ADCY8: variants seen among roughly 807,000 people sequenced by gnomAD.
The protein encoded by ADCY8 is adenylate cyclase 8.
ADCY8 carries 51 observed loss-of-function variants against 119.7 expected under a neutral mutation model. The ratio of observed to expected loss-of-function variants is 0.43; its 90% CI spans 0.34 to 0.54. The LOEUF (loss-of-function observed/expected upper bound fraction) is 0.54. Among genes scored for constraint, ADCY8 ranks in the 20% least tolerant of loss-of-function variants. ADCY8 has a pLI of 0.03. For missense variants in ADCY8, 1,383 were observed against 1,598.8 expected, an observed-to-expected ratio of 0.87 and a Z score of 2.30; for synonymous variants, 665 against 651.0, an observed-to-expected ratio of 1.02 and a Z score of -0.33.
At chr8:130,790,200 C>T (rs545239470) in intron 15 of ADCY8, among the ~76,000 whole-genome samples, 27 of 152,206 alleles carry the variant, frequency 1.8e-4, no homozygotes, top group African/African-American at 5.3e-4. Flanking sequence ...TTAAACTATA[C>T]GGTTCTGTGG....
chr8:130,947,189 T>A (rs1371160569), intron 3 of ADCY8, among the ~76,000 whole-genome samples: 2 of 152,172 alleles, frequency 1.3e-5, no homozygotes, highest in East Asian at 1.9e-4. Context: ...TCAAATAGAA[T>A]CCCCAAGGAA....
intron 2 of ADCY8, among the ~76,000 whole-genome samples, chr8:130,978,787 T>C (rs1227240862): frequency 6.6e-6 from 1 of 152,208 alleles, no homozygotes; most frequent in Non-Finnish European, 1.5e-5. Context: ...ATGTATTCTA[T>C]AATGCAGTAA....
intron 2 of ADCY8, among the ~76,000 whole-genome samples, chr8:130,965,364 A>G (rs1266167986): frequency 1.3e-5 from 2 of 152,168 alleles, no homozygotes; most frequent in Non-Finnish European, 1.5e-5. Flanking sequence ...CGTGTGAAAA[A>G]CTACCTGTTG....
intron 13 of ADCY8, among the ~76,000 whole-genome samples, chr8:130,818,497 T>C (rs1816411809): frequency 1.3e-5 from 2 of 152,220 alleles, no homozygotes; most frequent in African/African-American, 4.8e-5. Flanking sequence ...GTTTGGCATG[T>C]CATTTCCACA....
chr8:131,035,182 A>G (rs930183253), intron 1 of ADCY8, among the ~76,000 whole-genome samples: 1 of 152,136 alleles, frequency 6.6e-6, no homozygotes, highest in Non-Finnish European at 1.5e-5. Flanking sequence ...TATTCCTATC[A>G]TTGGTTTGAG....
At position 130,805,714 on chromosome 8, in the gene ADCY8, C is replaced by A. The variant is rs147102353; in HGVS notation, c.2914-5142G>T. Reference sequence around the variant, plus strand: ...TTGGATCTGAGGCATAAATGGGAACCTTTAGCTCCTTCCTGTGAGACAGAG... The same window carrying A: ...TTGGATCTGAGGCATAAATGGGAACATTTAGCTCCTTCCTGTGAGACAGAG... On this transcript the variant is annotated intron_variant, in intron 14 of 17. Coordinates refer to ENST00000286355, the MANE Select transcript of ADCY8 (RefSeq NM_001115.3). Among the ~76,000 whole-genome samples, 200 of 152,312 alleles carry A rather than the reference C, an allele frequency of 1.3e-3. 2 individuals are homozygous for A. The highest frequency in any genetic ancestry group is 4.5e-3 in the African/African-American group (188 of 41,566).
At chr8:130,926,614 T>G (rs1342808644) in intron 5 of ADCY8, among the ~76,000 whole-genome samples, 1 of 152,158 alleles carries the variant, frequency 6.6e-6, no homozygotes, top group Non-Finnish European at 1.5e-5. Flanking sequence ...ACATCCAGTC[T>G]CTTACCATTT....
chr8:130,814,515 G>A (rs912303731), intron 13 of ADCY8, among the ~76,000 whole-genome samples: 1 of 152,188 alleles, frequency 6.6e-6, no homozygotes, highest in Admixed American at 6.5e-5. Flanking sequence ...GACTGTCAGT[G>A]TTGTATGGTG....
intron 17 of ADCY8, 84 bp from the exon 18 acceptor site, chr8:130,780,961 A>T: frequency 6.5e-7 from 1 of 1,540,344 alleles, no homozygotes; most frequent in Non-Finnish European, 8.8e-7. Flanking sequence ...GACAGTGATC[A>T]CTATGTGTGG....
chr8:130,842,367 T>C (rs1037108358), intron 11 of ADCY8, among the ~76,000 whole-genome samples: 9 of 152,190 alleles, frequency 5.9e-5, no homozygotes, highest in African/African-American at 2.2e-4. Flanking sequence ...TTCAATCTCC[T>C]CATCTTTCTC....
At chr8:130,921,372 G>T (rs552705413) in intron 5 of ADCY8, among the ~76,000 whole-genome samples, 2 of 151,774 alleles carry the variant, frequency 1.3e-5, no homozygotes, top group African/African-American at 4.8e-5. Flanking sequence ...TACTTTAAAT[G>T]CATGAGCATT....
At chr8:130,867,023 A>C (rs1818146854) in intron 9 of ADCY8, among the ~76,000 whole-genome samples, 3 of 152,178 alleles carry the variant, frequency 2.0e-5, no homozygotes, top group South Asian at 4.1e-4. Flanking sequence ...TAAGTATTTA[A>C]AAAATATTTG....
chr8:130,832,934 G>T (rs986978430), intron 12 of ADCY8, among the ~76,000 whole-genome samples: 2 of 152,232 alleles, frequency 1.3e-5, no homozygotes, highest in Non-Finnish European at 2.9e-5. Context: ...ACAGAGTCTA[G>T]ATTTGAAGCC....
intron 1 of ADCY8, among the ~76,000 whole-genome samples, chr8:130,997,148 T>A (rs1360344841): frequency 1.3e-5 from 2 of 152,076 alleles, no homozygotes; most frequent in Non-Finnish European, 2.9e-5. Flanking sequence ...ATGAATTAAG[T>A]AAAATGTAAT....
intron 5 of ADCY8, among the ~76,000 whole-genome samples, chr8:130,926,577 T>G (rs770732059): frequency 6.6e-6 from 1 of 152,188 alleles, no homozygotes; most frequent in Admixed American, 6.5e-5. Flanking sequence ...TACCTCACAG[T>G]TATCATTTTT....
intron 1 of ADCY8, among the ~76,000 whole-genome samples, chr8:131,031,674 T>C (rs571913577): frequency 6.6e-6 from 1 of 152,194 alleles, no homozygotes; most frequent in Non-Finnish European, 1.5e-5. Context: ...TTTATGCCCA[T>C]GTGATACCTT....
intron 14 of ADCY8, among the ~76,000 whole-genome samples, chr8:130,811,467 G>T (rs1816164180): frequency 6.6e-6 from 1 of 152,128 alleles, no homozygotes. Context: ...CTGGCTCATT[G>T]GTCAGATTTG....
At chr8:130,848,131 A>G (rs1042040182) in intron 10 of ADCY8, among the ~76,000 whole-genome samples, 6 of 152,212 alleles carry the variant, frequency 3.9e-5, no homozygotes, top group African/African-American at 1.4e-4. Context: ...CGAAACTCTG[A>G]GAAGTAAAGT....
intron 7 of ADCY8, among the ~76,000 whole-genome samples, chr8:130,888,556 T>C (rs1049197994): frequency 1.3e-5 from 2 of 152,084 alleles, no homozygotes; most frequent in Admixed American, 6.6e-5. Context: ...CCTCAGGTAT[T>C]TCCATAAATG....
Sources: gnomAD v4.1 joint callset for allele counts (sites outside exome capture counted in the v4.1 genomes callset) on GRCh38, gnomAD v4.1.1 for gene constraint, MANE v1.5 for transcripts, NCBI Gene and HGNC (gene_info 2026-07-23, HGNC 2026-07-21) for gene names.